The following PARD3 variants were observed in gnomAD, a reference collection of about 807,000 sequenced individuals.
PARD3 encodes the protein partitioning defective 3 homolog.
A neutral mutation model predicts 155.4 loss-of-function variants in PARD3; 75 were observed. The observed-to-expected ratio is 0.48, with a 90% CI of 0.40 to 0.58. PARD3 has a LOEUF of 0.58. Among genes scored for constraint, PARD3 ranks in the 20% least tolerant of loss-of-function variants. PARD3 has a pLI of 0.00. For missense variants in PARD3, 1,642 were observed against 1,721.7 expected (o/e 0.95, Z 0.82); for synonymous variants, 576 against 610.5 (o/e 0.94, Z 0.83).
intron 19 of PARD3, among the ~76,000 whole-genome samples, chr10:34,328,803 A>G (rs112392749): frequency 6.6e-6 from 1 of 152,324 alleles, no homozygotes; most frequent in African/African-American, 2.4e-5. Context: ...CCACCCTATA[A>G]ACACGATTTC....
rs78611612 is a variant in PARD3 at position 34,610,182 on chromosome 10, G to A, written c.222+86136C>T. On this transcript the variant is annotated intron_variant, in intron 2 of 24. Coordinates refer to ENST00000374788, the MANE Select transcript of PARD3 (RefSeq NM_001184785.2). ...GACTGGAAGTAATATTAAATATATC[G>A]GCTAGGGCATGTGGCAAGAAGGATG... Among the ~76,000 whole-genome samples the A allele has an allele frequency of 1.2e-3, 186 of 151,840 alleles. 1 individual carries two copies. Among genetic ancestry groups the A allele is most frequent in the African/African-American group, 4.2e-3 (175 of 41,386 alleles).
At position 34,389,239 on chromosome 10, in the gene PARD3, T is replaced by TAAAA. The variant is rs57615675; in HGVS notation, c.891-4989_891-4986dup. 4.1e-3 allele frequency among the ~76,000 whole-genome samples: 273 copies of TAAAA among 65,848 alleles called. 28 individuals are homozygous for TAAAA. The highest frequency in any genetic ancestry group is 0.014 in the South Asian group (23 of 1,644). 43.2% of individuals were successfully genotyped at this position (65,848 alleles called of 152,430 possible). A position where few individuals can be genotyped will look rare whatever the true frequency, so the allele number is the denominator to read the frequency against. On this transcript the variant is annotated intron_variant, in intron 7 of 24. Transcript: ENST00000374788. The stretch of plus-strand genomic sequence containing the variant: ...GACTTCGTTTTTGAACAATGTTTCT[T>TAAAA]AAAAAAAAAAAAAAAAAAAAAAAAA...
At chr10:34,371,941 G>C (rs896216743) in intron 12 of PARD3, among the ~76,000 whole-genome samples, 6 of 152,078 alleles carry the variant, frequency 3.9e-5, no homozygotes, top group Non-Finnish European at 8.8e-5. Flanking sequence ...GTCTGTCTCA[G>C]GACTTGTTTT....
rs540634805 is a variant in PARD3 at position 34,676,230 on chromosome 10, T to C, written c.222+20088A>G. On this transcript the variant is annotated intron_variant, in intron 2 of 24. Transcript: ENST00000374788. ...GCACACAAAACAATTTTAAAACTTA[T>C]GTTTTCTACGGAAACCTTACCTCAA... 1.3e-4 allele frequency among the ~76,000 whole-genome samples: 20 copies of C among 152,324 alleles called. No homozygotes were observed. The South Asian group carries it at 3.7e-3, about 28-fold the overall frequency.
At chr10:34,321,360 T>C (rs924838913) in intron 19 of PARD3, among the ~76,000 whole-genome samples, 1 of 152,220 alleles carries the variant, frequency 6.6e-6, no homozygotes, top group African/African-American at 2.4e-5. Context: ...TAATGTACTA[T>C]TTTAAGTGCT....
Position 34,360,238 on chromosome 10 carries a change from C to T in PARD3, c.1729G>A (p.Val577Ile). The T allele has an allele frequency of 2.5e-6, 4 of 1,613,112 alleles. No homozygotes were observed. The highest frequency in any genetic ancestry group is 1.7e-4 in the Middle Eastern group (1 of 6,056). The change falls in exon 13 of 25, where the codon GTT (valine) becomes ATT (isoleucine). Residue 577 changes from valine to isoleucine, a missense_variant. By Grantham distance (29) the Val-to-Ile change is conservative. This residue lies in a region of PARD3 where 1,529 missense variants were observed against 1,587.3 expected (regional missense o/e 0.96). Transcript: ENST00000374788. ...TCCCTGGTGCCATCAGGTGTAAGAA[C>T]AATATCCTCATCTTCTGCTTTCTAA... ...KETKAEDEDIVLTPDGTREFL... is the reference protein window; with the variant it reads ...KETKAEDEDIILTPDGTREFL...
chr10:34,297,048 T>C (rs532143249), intron 20 of PARD3, among the ~76,000 whole-genome samples: 7 of 152,284 alleles, frequency 4.6e-5, no homozygotes, highest in African/African-American at 1.7e-4. Flanking sequence ...AGCCTGGGTG[T>C]TGTGGCTCAC....
intron 22 of PARD3, among the ~76,000 whole-genome samples, chr10:34,154,005 T>C (rs561642613): frequency 5.9e-5 from 9 of 152,350 alleles, no homozygotes; most frequent in African/African-American, 2.2e-4. Flanking sequence ...ACTAGCGGCA[T>C]TGAAGTAATT....
intron 1 of PARD3, among the ~76,000 whole-genome samples, chr10:34,773,506 C>T (rs896054377): frequency 2.6e-5 from 4 of 152,314 alleles, no homozygotes; most frequent in Admixed American, 2.6e-4. Context: ...AGGGCATGAA[C>T]ATTTTTGTAG....
intron 3 of PARD3, among the ~76,000 whole-genome samples, chr10:34,480,734 T>C (rs1436932395): frequency 6.6e-6 from 1 of 152,012 alleles, no homozygotes; most frequent in East Asian, 1.9e-4. Context: ...TATTCCAATA[T>C]TTTATTTTTA....
At chr10:34,672,153 G>A (rs1306979643) in intron 2 of PARD3, among the ~76,000 whole-genome samples, 1 of 152,114 alleles carries the variant, frequency 6.6e-6, no homozygotes, top group East Asian at 1.9e-4. Context: ...GGGTGACAGA[G>A]GAGGATTCTG....
intron 2 of PARD3, among the ~76,000 whole-genome samples, chr10:34,691,888 G>A (rs1704223365): frequency 6.6e-6 from 1 of 152,162 alleles, no homozygotes; most frequent in Non-Finnish European, 1.5e-5. Context: ...TAACAGGCTA[G>A]CCATATGCTG....
chr10:34,507,500 G>A (rs1589815947), intron 3 of PARD3, among the ~76,000 whole-genome samples: 1 of 139,464 alleles, frequency 7.2e-6, no homozygotes. Flanking sequence ...GCCTGATTTT[G>A]CCGATCCCTG....
At chr10:34,125,073 T>A (rs1947208244) in intron 23 of PARD3, among the ~76,000 whole-genome samples, 1 of 147,332 alleles carries the variant, frequency 6.8e-6, no homozygotes, top group Non-Finnish European at 1.5e-5. Context: ...ATTTCTTTCT[T>A]TTTTTTTTTT....
At chr10:34,382,246 A>G (rs138230617) in intron 9 of PARD3, among the ~76,000 whole-genome samples, 51 of 152,232 alleles carry the variant, frequency 3.4e-4, no homozygotes, top group African/African-American at 1.2e-3. Flanking sequence ...ACAATCAAAA[A>G]TTTTACTACA....
At chr10:34,320,128 A>G (rs757708867) in intron 19 of PARD3, among the ~76,000 whole-genome samples, 2 of 152,200 alleles carry the variant, frequency 1.3e-5, no homozygotes, top group African/African-American at 2.4e-5. Context: ...TGCATAAATG[A>G]AAGACTTTTG....
At chr10:34,743,135 A>G (rs576195887) in intron 1 of PARD3, among the ~76,000 whole-genome samples, 1 of 152,286 alleles carries the variant, frequency 6.6e-6, no homozygotes, top group South Asian at 2.1e-4. Context: ...TTTCCATTGT[A>G]TCCTTCCCCA....
In PARD3 at chr10:34,440,908, T is replaced by A. The variant is rs913552615; in HGVS notation, c.714+9409A>T. On this transcript the variant is annotated intron_variant, in intron 5 of 24. Coordinates refer to ENST00000374788, the MANE Select transcript of PARD3 (RefSeq NM_001184785.2). ...CTTAATGGTATCCTTACATTTAATC[T>A]TATTAAAACTACACACGCCCGCCAA... Among the ~76,000 whole-genome samples, 5 of 151,674 alleles carry A rather than the reference T, an allele frequency of 3.3e-5. No homozygotes were observed. In the East Asian group the frequency reaches 9.7e-4, roughly 29 times the overall value.
intron 22 of PARD3, among the ~76,000 whole-genome samples, chr10:34,188,092 AAGAGCTG>A (rs1429847391): frequency 1.3e-5 from 2 of 152,218 alleles, no homozygotes; most frequent in Admixed American, 1.3e-4. Context: ...CTTCTGAACT[AAGAGCTG>A]AGAGCATATT....
Sources: allele counts gnomAD v4.1 joint callset (sites outside exome capture counted in the v4.1 genomes callset), GRCh38; gene constraint gnomAD v4.1.1; regional missense constraint gnomAD v4.1.1; transcripts MANE v1.5; gene names NCBI Gene and HGNC (gene_info 2026-07-23, HGNC 2026-07-21).